PLEKHA6: variants seen among roughly 807,000 people sequenced by gnomAD.
PLEKHA6 encodes pleckstrin homology domain containing A6, also known as pleckstrin homology domain-containing family A member 6.
In PLEKHA6, 60 loss-of-function variants were observed where a neutral mutation model predicts 116.7. That is an observed-to-expected ratio of 0.51 (90% CI 0.42 to 0.64). The LOEUF (loss-of-function observed/expected upper bound fraction) is 0.64, where lower values mean the gene tolerates loss of function less well. PLEKHA6 is among the 30% of genes least tolerant of loss of function. The probability of loss-of-function intolerance (pLI) is 0.00; values close to 1 mark genes in which losing one functional copy is unlikely to be tolerated. For synonymous variants in PLEKHA6, 489 were observed against 556.1 expected (o/e 0.88, Z 1.70); for missense variants, 1,338 against 1,422.7 (o/e 0.94, Z 0.96).
intron 1 of PLEKHA6, among the ~76,000 whole-genome samples, chr1:204,289,557 G>T (rs968310323): frequency 2.6e-5 from 4 of 152,216 alleles, no homozygotes; most frequent in Non-Finnish European, 4.4e-5. Flanking sequence ...GGCTGGCCGG[G>T]TTCCTTAAAG....
intron 9 of PLEKHA6, among the ~76,000 whole-genome samples, chr1:204,253,731 G>A (rs2102692717): frequency 6.6e-6 from 1 of 151,978 alleles, no homozygotes; most frequent in Middle Eastern, 3.4e-3. Context: ...CTGCTCAGGA[G>A]GCTGAGGTGG....
At chr1:204,376,908 C>T (rs1233029513) in intron 1 of PLEKHA6, among the ~76,000 whole-genome samples, 1 of 152,204 alleles carries the variant, frequency 6.6e-6, no homozygotes, top group African/African-American at 2.4e-5. Flanking sequence ...CAAAAGACAG[C>T]CAGCAGGGCC....
chr1:204,373,301 AG>A (rs1228227039), intron 1 of PLEKHA6, among the ~76,000 whole-genome samples: 4 of 152,090 alleles, frequency 2.6e-5, no homozygotes, highest in African/African-American at 9.7e-5. Context: ...CATGTTGGCC[AG>A]GCTGATCTCA....
At position 204,241,473 on chromosome 1, in the gene PLEKHA6, C is replaced by A. The variant is rs751949159; in HGVS notation, c.2311G>T (p.Val771Leu). 2.7e-5 allele frequency: 43 copies of A among 1,600,500 alleles called. 1 individual carries two copies. In the South Asian group the frequency reaches 4.8e-4, roughly 18 times the overall value. Reference sequence around the variant, plus strand: ...GTGGGCGATTTTGTCCGAGGGGGCACAACGCCAACTGCAGAAAGACAGAGT... The same window carrying A: ...GTGGGCGATTTTGTCCGAGGGGGCAAAACGCCAACTGCAGAAAGACAGAGT... Reference protein sequence around the residue: ...KQAALNKVGVVPPRTKSPTDD... With the variant: ...KQAALNKVGVLPPRTKSPTDD... Residue 771 changes from valine to leucine, a missense_variant, in exon 17 of 23, where the codon GTG (valine) becomes TTG (leucine). Val to Leu is a conservative substitution (Grantham distance 32). Transcript: ENST00000272203.
At chr1:204,361,717 C>T (rs1326616124), upstream of PLEKHA6, among the ~76,000 whole-genome samples, 1 of 152,256 alleles carries the variant, frequency 6.6e-6, no homozygotes, top group Non-Finnish European at 1.5e-5. Flanking sequence ...CCCAACTCAC[C>T]TGCCCTGGCT....
chr1:204,294,772 C>T (rs961620245), intron 1 of PLEKHA6, among the ~76,000 whole-genome samples: 1 of 152,154 alleles, frequency 6.6e-6, no homozygotes, highest in Non-Finnish European at 1.5e-5. Context: ...GGATAATATA[C>T]GGACCTTCTT....
At chr1:204,335,541 C>A (rs1160900261) in intron 1 of PLEKHA6, among the ~76,000 whole-genome samples, 1 of 152,112 alleles carries the variant, frequency 6.6e-6, no homozygotes, top group African/African-American at 2.4e-5. Flanking sequence ...CTGCACCTCT[C>A]CCTGCTCTTT....
At chr1:204,282,556 G>T in intron 1 of PLEKHA6, 1 of 740,684 alleles carries the variant, frequency 1.4e-6, no homozygotes, top group Non-Finnish European at 1.6e-6. Flanking sequence ...GCACCACAGG[G>T]CCCTCCAAGA....
At chr1:204,293,348 TG>T (rs1212719669) in intron 1 of PLEKHA6, among the ~76,000 whole-genome samples, 6 of 152,210 alleles carry the variant, frequency 3.9e-5, no homozygotes, top group Non-Finnish European at 8.8e-5. Flanking sequence ...CTGGCCAGGC[TG>T]ATCTCGAACT....
intron 1 of PLEKHA6, among the ~76,000 whole-genome samples, chr1:204,341,265 G>C (rs976263619): frequency 4.6e-5 from 7 of 152,200 alleles, no homozygotes; most frequent in African/African-American, 1.7e-4. Context: ...AGAACTTTTT[G>C]CTCTCTGCTT....
intron 15 of PLEKHA6, among the ~76,000 whole-genome samples, chr1:204,244,113 G>A (rs937434454): frequency 4.0e-5 from 6 of 151,708 alleles, no homozygotes; most frequent in African/African-American, 1.2e-4. Context: ...GAGCCACCAC[G>A]CCCAGCCTCT....
intron 1 of PLEKHA6, among the ~76,000 whole-genome samples, chr1:204,278,847 A>G (rs1166080555): frequency 1.3e-5 from 2 of 152,088 alleles, no homozygotes; most frequent in African/African-American, 4.8e-5. Context: ...CTCGATAAAT[A>G]TTTGTTGAAT....
intron 1 of PLEKHA6, among the ~76,000 whole-genome samples, chr1:204,304,218 T>A (rs767494618): frequency 6.6e-6 from 1 of 152,184 alleles, no homozygotes; most frequent in Non-Finnish European, 1.5e-5. Flanking sequence ...GGAATAAGAA[T>A]GCGCAAGTCC....
intron 6 of PLEKHA6, among the ~76,000 whole-genome samples, chr1:204,262,963 C>T (rs1003380583): frequency 6.4e-5 from 9 of 141,714 alleles, no homozygotes; most frequent in Non-Finnish European, 9.3e-5. Context: ...AGGCAGGGCT[C>T]GTGGGTGTGT....
rs577560172 is a variant in PLEKHA6, at chr1:204,261,631, G to C, written c.382-183C>G. 1.6e-6 allele frequency: 1 copy of C among 644,362 alleles called. No individual in the cohort carries two copies. The highest frequency in any genetic ancestry group is 1.9e-5 in the African/African-American group (1 of 53,888). 39.9% of individuals were successfully genotyped at this position (644,362 alleles called of 1,614,324 possible). A position where few individuals can be genotyped will look rare whatever the true frequency, so the allele number is the denominator to read the frequency against. On this transcript the variant is annotated intron_variant, in intron 6 of 22. Transcript: ENST00000272203. This position sits in a 1 kb window ranked among gnomAD's most constrained non-coding sequence, Gnocchi z 4.0. ...GAAGAGGGCAGCTTGCAGCTACCCC[G>C]AGGGTTCCAGCTGGTACCCACGTAT...
rs1661798851 is a variant in PLEKHA6 at position 204,234,994 on chromosome 1, A to AG, written c.2410-4409_2410-4408insC. Among the ~76,000 whole-genome samples, 10 of 23,134 alleles carry AG rather than the reference A, an allele frequency of 4.3e-4. 1 individual carries two copies. The South Asian group carries it at 9.7e-3, about 22-fold the overall frequency. The allele number at this position is 23,134 out of a possible 152,430, so 15.2% of individuals were successfully genotyped here. A position where few individuals can be genotyped will look rare whatever the true frequency, so the allele number is the denominator to read the frequency against. On this transcript the variant is annotated intron_variant, in intron 17 of 22. Transcript: ENST00000272203. Reference sequence around the variant, plus strand: ...TATATATATATATATATATATATATATATATATATATATATATATCTAATA... The same window carrying AG: ...TATATATATATATATATATATATATAGTATATATATATATATATATCTAATA...
At chr1:204,367,450 C>T (rs1008777250) in intron 3 of PLEKHA6, among the ~76,000 whole-genome samples, 2 of 152,158 alleles carry the variant, frequency 1.3e-5, no homozygotes, top group African/African-American at 2.4e-5. Flanking sequence ...CCCGCGGCTG[C>T]GTCTCCTGCC....
chr1:204,273,781 C>T, intron 2 of PLEKHA6, 41 bp from the exon 3 acceptor site: 1 of 1,410,846 alleles, frequency 7.1e-7, no homozygotes, highest in Non-Finnish European at 1.0e-6. Flanking sequence ...TGGTGAGATC[C>T]AAGAAACAAT....
chr1:204,373,743 C>T (rs1673818800), intron 1 of PLEKHA6, among the ~76,000 whole-genome samples: 1 of 152,090 alleles, frequency 6.6e-6, no homozygotes, highest in Non-Finnish European at 1.5e-5. Flanking sequence ...ATTGACTCCA[C>T]TCATTTTCTC....
Sources: allele counts gnomAD v4.1 joint callset (sites outside exome capture counted in the v4.1 genomes callset), GRCh38; gene constraint gnomAD v4.1.1; non-coding constraint Gnocchi (gnomAD v3.1); transcripts MANE v1.5; gene names NCBI Gene and HGNC (gene_info 2026-07-23, HGNC 2026-07-21).